Variants in SOBP observed in about 807,000 individuals in gnomAD.
SOBP encodes the protein sine oculis-binding protein homolog.
A neutral mutation model predicts 53.6 loss-of-function variants in SOBP; 4 were observed. That is an observed-to-expected ratio of 0.07 (90% CI 0.04 to 0.17). The LOEUF (loss-of-function observed/expected upper bound fraction) is 0.17, where lower values mean the gene tolerates loss of function less well. SOBP is among the 10% of genes least tolerant of loss of function. The pLI, the probability that SOBP is intolerant of heterozygous loss-of-function variation, is 1.00. For missense variants in SOBP, 1,088 were observed against 1,204.7 expected (o/e 0.90, Z 1.43); for synonymous variants, 584 against 522.6 (o/e 1.12, Z -1.60).
chr6:107,634,556 C>T lies in SOBP; in HGVS notation c.1712C>T (p.Ala571Val), dbSNP rs770196111. The T allele has an allele frequency of 1.3e-5, 21 of 1,606,916 alleles. No homozygotes were observed. Among genetic ancestry groups the T allele is most frequent in the Non-Finnish European group, 1.6e-5 (19 of 1,179,752 alleles). The change falls in exon 6 of 7, where the codon GCG (alanine) becomes GTG (valine). Residue 571 changes from alanine to valine, a missense_variant. Ala to Val is a moderately conservative substitution (Grantham distance 64). This residue lies in a region of SOBP where 665 missense variants were observed against 629.7 expected (regional missense o/e 1.06). Transcript: ENST00000317357. This position sits in a 1 kb window ranked among gnomAD's most constrained non-coding sequence, Gnocchi z 4.5. ...NFIPNAPGDSAAAGGKPSGHS... is the reference protein window; with the variant it reads ...NFIPNAPGDSVAAGGKPSGHS... ...ATTCCGAACGCCCCTGGCGACTCCG[C>T]GGCGGCGGGCGGCAAGCCAAGCGGA...
chr6:107,494,649 ACTT>A (rs1050225827), intron 1 of SOBP, among the ~76,000 whole-genome samples: 1 of 152,246 alleles, frequency 6.6e-6, no homozygotes, highest in Non-Finnish European at 1.5e-5. Flanking sequence ...ACAATGTTTA[ACTT>A]CTTTATCAAT....
At chr6:107,644,395 A>G (rs1182448850) in intron 6 of SOBP, among the ~76,000 whole-genome samples, 2 of 152,208 alleles carry the variant, frequency 1.3e-5, no homozygotes, top group East Asian at 1.9e-4. Flanking sequence ...TTCCTCTGAA[A>G]TGTCTTAGGG....
intron 6 of SOBP, among the ~76,000 whole-genome samples, chr6:107,638,769 A>G (rs1396740842): frequency 1.3e-5 from 2 of 152,158 alleles, no homozygotes; most frequent in African/African-American, 4.8e-5. Flanking sequence ...TTGGTGATTC[A>G]TTATATATTA....
chr6:107,639,539 T>C (rs1771215142), intron 6 of SOBP, among the ~76,000 whole-genome samples: 1 of 152,220 alleles, frequency 6.6e-6, no homozygotes, highest in Non-Finnish European at 1.5e-5. Context: ...CTGCAGCTTC[T>C]GTAAGCTGGA....
intron 4 of SOBP, among the ~76,000 whole-genome samples, chr6:107,579,557 G>A (rs1462940871): frequency 6.6e-6 from 1 of 152,128 alleles, no homozygotes; most frequent in Non-Finnish European, 1.5e-5. Context: ...TGTATTTCAG[G>A]CTGATGTGGA....
intron 3 of SOBP, among the ~76,000 whole-genome samples, chr6:107,530,637 A>G (rs535065317): frequency 3.0e-4 from 46 of 152,242 alleles, no homozygotes; most frequent in Non-Finnish European, 5.9e-4. Flanking sequence ...TCTTTGGATC[A>G]TTAGCTGCTG....
At chr6:107,495,222 A>G (rs1169008380) in intron 1 of SOBP, among the ~76,000 whole-genome samples, 1 of 152,178 alleles carries the variant, frequency 6.6e-6, no homozygotes, top group African/African-American at 2.4e-5. Context: ...TAGTGGGCAC[A>G]TAGCCCTGGC....
chr6:107,543,351 T>A (rs1014837606), intron 4 of SOBP, among the ~76,000 whole-genome samples: 4 of 152,202 alleles, frequency 2.6e-5, no homozygotes, highest in African/African-American at 4.8e-5. Flanking sequence ...CTTGTTGACA[T>A]CCTCTGGAAT....
intron 3 of SOBP, among the ~76,000 whole-genome samples, chr6:107,515,375 CATAACATTG>C (rs1289146620): frequency 1.3e-5 from 2 of 152,270 alleles, no homozygotes. Flanking sequence ...ATGATCTCAG[CATAACATTG>C]ATCACATTAC....
Position 107,634,511 on chromosome 6 carries a change from C to T in SOBP, c.1667C>T (p.Ser556Phe), listed in dbSNP as rs1770895673. The change falls in exon 6 of 7, where the codon TCC becomes TTC. Residue 556 changes from serine to phenylalanine, a missense_variant. This residue lies in a region of SOBP where 665 missense variants were observed against 629.7 expected (regional missense o/e 1.06). Coordinates refer to ENST00000317357, the MANE Select transcript of SOBP (RefSeq NM_018013.4). This position sits in a 1 kb window ranked among gnomAD's most constrained non-coding sequence, Gnocchi z 4.5. The part of the protein sequence containing the change: ...VSDSKPPNGF[S>F]SNGENFIPNA... ...GACTCCAAGCCCCCCAACGGGTTCT[C>T]CAGCAACGGGGAGAACTTCATTCCG... is the stretch of plus-strand genomic sequence containing the variant. 6.2e-7 allele frequency: 1 copy of T among 1,611,422 alleles called. No homozygotes were observed. The highest frequency in any genetic ancestry group is 1.1e-5 in the South Asian group (1 of 91,080).
chr6:107,502,341 G>C (rs1045084307), intron 1 of SOBP, among the ~76,000 whole-genome samples: 31 of 152,138 alleles, frequency 2.0e-4, no homozygotes, highest in Non-Finnish European at 4.4e-5. Flanking sequence ...AGAATATATA[G>C]TTTTTCTGGC....
intron 4 of SOBP, among the ~76,000 whole-genome samples, chr6:107,557,324 A>G (rs529625251): frequency 6.6e-6 from 1 of 152,358 alleles, no homozygotes; most frequent in East Asian, 1.9e-4. Context: ...AAGCAAAGAT[A>G]CATTTTAAAT....
chr6:107,612,032 T>A (rs1329604172), intron 5 of SOBP, among the ~76,000 whole-genome samples: 1 of 152,224 alleles, frequency 6.6e-6, no homozygotes, highest in Non-Finnish European at 1.5e-5. Context: ...TTTGAACCTT[T>A]AAGCAGCAAG....
At chr6:107,506,036 A>G (rs981172925) in intron 2 of SOBP, among the ~76,000 whole-genome samples, 9 of 152,240 alleles carry the variant, frequency 5.9e-5, no homozygotes, top group Non-Finnish European at 1.2e-4. Flanking sequence ...ATAGTGGAGC[A>G]AATTATAAAG....
intron 6 of SOBP, among the ~76,000 whole-genome samples, chr6:107,641,492 G>C (rs1037834904): frequency 9.2e-5 from 14 of 152,188 alleles, no homozygotes; most frequent in African/African-American, 3.4e-4. Context: ...AAGCAGAATG[G>C]CCAGAGTCAG....
At position 107,634,865 on chromosome 6, in the gene SOBP, C is replaced by G. The variant is rs1192804671; in HGVS notation, c.2021C>G (p.Ala674Gly). 1 of 1,385,242 alleles carries G rather than the reference C, an allele frequency of 7.2e-7. No individual in the cohort carries two copies. The highest frequency in any genetic ancestry group is 1.5e-5 in the African/African-American group (1 of 66,188). 85.8% of individuals were successfully genotyped at this position (1,385,242 alleles called of 1,614,324 possible). A position where few individuals can be genotyped will look rare whatever the true frequency, so the allele number is the denominator to read the frequency against. The change falls in exon 6 of 7, where the codon GCG (alanine) becomes GGG (glycine). Residue 674 changes from alanine to glycine, a missense_variant. Ala to Gly is a moderately conservative substitution (Grantham distance 60). Around this residue, in one of 6 missense-constraint regions of SOBP, gnomAD observed 665 missense variants for 629.7 expected, o/e 1.06. Transcript: ENST00000317357. This position sits in a 1 kb window ranked among gnomAD's most constrained non-coding sequence, Gnocchi z 4.5. ...AACGTGATCCACCGCGCGCTGCACG[C>G]GCACGTCAAGGCGGAGCGCGAGCCG... is the stretch of plus-strand genomic sequence containing the variant. ...LHNVIHRALH[A>G]HVKAEREPSA...
intron 1 of SOBP, among the ~76,000 whole-genome samples, chr6:107,491,917 G>A (rs1416711192): frequency 1.3e-5 from 2 of 152,204 alleles, no homozygotes; most frequent in Non-Finnish European, 2.9e-5. Flanking sequence ...CATAGCTCAC[G>A]CTTAGCAGGG....
At chr6:107,497,354 A>G (rs796095664) in intron 1 of SOBP, among the ~76,000 whole-genome samples, 1 of 152,230 alleles carries the variant, frequency 6.6e-6, no homozygotes, top group African/African-American at 2.4e-5. Flanking sequence ...AATGTAACCA[A>G]CAAATCCTTT....
At chr6:107,583,165 A>G (rs1449533857) in intron 4 of SOBP, among the ~76,000 whole-genome samples, 1 of 152,224 alleles carries the variant, frequency 6.6e-6, no homozygotes. Flanking sequence ...GATGTTGTCT[A>G]ACATTGCCAC....
Sources: gnomAD v4.1 joint callset for allele counts (sites outside exome capture counted in the v4.1 genomes callset) on GRCh38, gnomAD v4.1.1 for gene constraint, gnomAD v4.1.1 regional missense constraint, Gnocchi (gnomAD v3.1) non-coding constraint, MANE v1.5 for transcripts, NCBI Gene and HGNC (gene_info 2026-07-23, HGNC 2026-07-21) for gene names.